VPS13B: variants seen among roughly 807,000 people sequenced by gnomAD.
The protein encoded by VPS13B is intermembrane lipid transfer protein VPS13B.
A neutral mutation model predicts 426.4 loss-of-function variants in VPS13B; 285 were observed. That is an observed-to-expected ratio of 0.67 (90% confidence interval 0.61 to 0.74). The LOEUF is 0.74. Ranked by LOEUF, VPS13B falls within the 30% of genes least tolerant of loss-of-function variation. The probability of loss-of-function intolerance (pLI) is 0.00; values close to 1 mark genes in which losing one functional copy is unlikely to be tolerated. For missense variants in VPS13B, 4,537 were observed against 4,782.6 expected, an observed-to-expected ratio of 0.95 and a Z score of 1.51; for synonymous variants, 1,676 against 1,676.4, an observed-to-expected ratio of 1.00 and a Z score of 0.01.
chr8:99,644,511 G>A (rs778051990), intron 34 of VPS13B, among the ~76,000 whole-genome samples: 1 of 152,092 alleles, frequency 6.6e-6, no homozygotes, highest in Non-Finnish European at 1.5e-5. Flanking sequence ...AACTGACGTG[G>A]AACCCAATTT....
chr8:99,734,254 G>C (rs941836539), intron 39 of VPS13B, among the ~76,000 whole-genome samples: 8 of 152,018 alleles, frequency 5.3e-5, no homozygotes, highest in Non-Finnish European at 1.5e-5. Flanking sequence ...ACCACATTTT[G>C]CTTATCCATT....
intron 2 of VPS13B, among the ~76,000 whole-genome samples, chr8:99,027,674 C>T (rs929017777): frequency 6.6e-6 from 1 of 151,770 alleles, no homozygotes; most frequent in African/African-American, 2.4e-5. Flanking sequence ...ATATGGCATC[C>T]CATTGTCTCT....
chr8:99,577,785 A>G (rs1825846536), intron 33 of VPS13B, 152 bp downstream of exon 33: 1 of 1,107,550 alleles, frequency 9.0e-7, no homozygotes. Context: ...TTGGATTGAT[A>G]TTCTTTATTT....
At chr8:99,403,045 G>C (rs1266501078) in intron 21 of VPS13B, among the ~76,000 whole-genome samples, 1 of 152,222 alleles carries the variant, frequency 6.6e-6, no homozygotes, top group African/African-American at 2.4e-5. Context: ...AAAACCAGTT[G>C]TGGCAGACTA....
At chr8:99,095,566 C>T (rs1339118320) in intron 3 of VPS13B, among the ~76,000 whole-genome samples, 2 of 152,060 alleles carry the variant, frequency 1.3e-5, no homozygotes, top group African/African-American at 4.8e-5. Context: ...ATTAGTTATA[C>T]ATGTGTTCGA....
intron 35 of VPS13B, among the ~76,000 whole-genome samples, chr8:99,664,677 A>G (rs546912731): frequency 6.6e-6 from 1 of 152,270 alleles, no homozygotes; most frequent in African/African-American, 2.4e-5. Context: ...ATAGTATTCC[A>G]TGGTGTATAT....
chr8:99,573,680 C>A (rs891073015), intron 31 of VPS13B, among the ~76,000 whole-genome samples: 7 of 152,094 alleles, frequency 4.6e-5, no homozygotes, highest in Non-Finnish European at 8.8e-5. Context: ...GGTACCAGTA[C>A]CATGCTGTTT....
At chr8:99,282,131 C>T (rs1003487401) in intron 19 of VPS13B, among the ~76,000 whole-genome samples, 7 of 152,152 alleles carry the variant, frequency 4.6e-5, no homozygotes, top group African/African-American at 1.4e-4. Context: ...AATTTCAGCA[C>T]TACCTTGATT....
chr8:99,057,106 GT>G (rs56044566), intron 3 of VPS13B, among the ~76,000 whole-genome samples: 111,519 of 151,758 alleles, frequency 0.73, 41,703 homozygotes, highest in South Asian at 0.87. Context: ...AATTTTAGGA[GT>G]TTTTTGGGTG....
chr8:99,381,272 A>T (rs1320167711), intron 19 of VPS13B, among the ~76,000 whole-genome samples: 5 of 152,154 alleles, frequency 3.3e-5, no homozygotes, highest in Non-Finnish European at 7.4e-5. Context: ...TCCATTGTGT[A>T]TATGTAACAC....
chr8:99,798,226 CAAA>C (rs34155215), intron 43 of VPS13B, among the ~76,000 whole-genome samples: 6 of 84,944 alleles, frequency 7.1e-5, no homozygotes, highest in Non-Finnish European at 1.0e-4. Flanking sequence ...TTGAAATAGC[CAAA>C]AAAAAAAAAA....
chr8:99,488,749 A>G (rs1203527265), intron 25 of VPS13B, among the ~76,000 whole-genome samples: 1 of 152,080 alleles, frequency 6.6e-6, no homozygotes, highest in Non-Finnish European at 1.5e-5. Context: ...GACTTTGTAA[A>G]TTTGTTTAAG....
At chr8:99,254,290 T>C (rs555873235) in intron 17 of VPS13B, among the ~76,000 whole-genome samples, 8 of 152,314 alleles carry the variant, frequency 5.3e-5, no homozygotes, top group African/African-American at 1.9e-4. Context: ...TTCTCCTTCA[T>C]TCCTGAAGTA....
intron 17 of VPS13B, among the ~76,000 whole-genome samples, chr8:99,258,159 C>A (rs1817852010): frequency 6.7e-6 from 1 of 150,122 alleles, no homozygotes; most frequent in East Asian, 2.0e-4. Flanking sequence ...TTATTTTAAC[C>A]AATAAATTTT....
chr8:99,537,611 T>C (rs1823326459), intron 30 of VPS13B, among the ~76,000 whole-genome samples: 1 of 152,162 alleles, frequency 6.6e-6, no homozygotes. Flanking sequence ...TTGGAGAAAA[T>C]TGCAGTATCC....
chr8:99,284,362 A>G (rs1490480634), intron 19 of VPS13B, among the ~76,000 whole-genome samples: 1 of 152,030 alleles, frequency 6.6e-6, no homozygotes. Flanking sequence ...ACAAGTATTT[A>G]TTGCCTATTT....
At chr8:99,748,192 T>G (rs1471180445) in intron 39 of VPS13B, among the ~76,000 whole-genome samples, 1 of 152,010 alleles carries the variant, frequency 6.6e-6, no homozygotes, top group Non-Finnish European at 1.5e-5. Context: ...CAAACTCATC[T>G]TTTCCACATT....
At chr8:99,737,675 C>G (rs1460659922) in intron 39 of VPS13B, among the ~76,000 whole-genome samples, 1 of 152,114 alleles carries the variant, frequency 6.6e-6, no homozygotes. Context: ...ACCTTGGTGC[C>G]ACAATATTTT....
At chr8:99,212,681 G>T (rs538183256) in intron 17 of VPS13B, among the ~76,000 whole-genome samples, 13 of 82,590 alleles carry the variant, frequency 1.6e-4, no homozygotes, top group African/African-American at 6.1e-4. Flanking sequence ...CTTCCTTAGT[G>T]CTGCTCCTAC....
Sources: gnomAD v4.1 joint callset for allele counts (sites outside exome capture counted in the v4.1 genomes callset) on GRCh38, gnomAD v4.1.1 for gene constraint, MANE v1.5 for transcripts, NCBI Gene and HGNC (gene_info 2026-07-23, HGNC 2026-07-21) for gene names.